FNDC8: variants seen among roughly 807,000 people sequenced by gnomAD.
FNDC8 encodes fibronectin type III domain-containing protein 8.
In FNDC8, 23 loss-of-function variants were observed where a neutral mutation model predicts 24.8. The ratio of observed to expected loss-of-function variants is 0.93; its 90% CI spans 0.67 to 1.31. The LOEUF is 1.31. FNDC8 is among the 40% of genes most tolerant of loss of function. The pLI, the probability that FNDC8 is intolerant of heterozygous loss-of-function variation, is 0.00. For synonymous variants in FNDC8, 158 were observed against 165.3 expected, an observed-to-expected ratio of 0.96 and a Z score of 0.34; for missense variants, 371 against 398.2, an observed-to-expected ratio of 0.93 and a Z score of 0.58.
rs1268768019 is a variant in FNDC8, at chr17:35,130,601, C to G, written c.*167C>G. On this transcript the variant is annotated 3_prime_UTR_variant, in exon 4 of 4. Coordinates refer to ENST00000158009, the MANE Select transcript of FNDC8 (RefSeq NM_017559.4). ...GCTGGGGCCAAGGCTACATAGGGGCCCCATTCACCTGGAGGCATCTCAGGC... is the reference window on the plus strand; with the variant it reads ...GCTGGGGCCAAGGCTACATAGGGGCGCCATTCACCTGGAGGCATCTCAGGC... The G allele has an allele frequency of 2.0e-5, 14 of 688,106 alleles. No homozygotes were observed. Among genetic ancestry groups the G allele is most frequent in the Non-Finnish European group, 3.3e-5 (14 of 421,238 alleles). 42.6% of individuals were successfully genotyped at this position (688,106 alleles called of 1,614,324 possible). A position where few individuals can be genotyped will look rare whatever the true frequency, so the allele number is the denominator to read the frequency against.
chr17:35,128,361 T>C (rs2091857071), intron 2 of FNDC8, among the ~76,000 whole-genome samples: 1 of 152,244 alleles, frequency 6.6e-6, no homozygotes. Flanking sequence ...TTTTAATAAG[T>C]CCTCCAGGGT....
At chr17:35,122,862 G>A (rs1307035304) in intron 1 of FNDC8, among the ~76,000 whole-genome samples, 2 of 152,222 alleles carry the variant, frequency 1.3e-5, no homozygotes, top group Admixed American at 1.3e-4. Flanking sequence ...TGGAGGTCAG[G>A]GGTGAAAGGA....
intron 2 of FNDC8, 35 bp downstream of exon 2, chr17:35,127,452 T>G (rs1316301713): frequency 6.6e-7 from 1 of 1,511,332 alleles, no homozygotes; most frequent in Non-Finnish European, 8.8e-7. Flanking sequence ...CAGCAGAGGC[T>G]TATTGTGCCA....
chr17:35,129,644 T>G lies in FNDC8; in HGVS notation c.808T>G (p.Cys270Gly), dbSNP rs763398949. The part of the protein sequence containing the change: ...AANTAGVGKW[C>G]KPYKFATLAT... Reference sequence around the variant, plus strand: ...CAACACAGCTGGGGTGGGGAAGTGGTGCAAGCCCTACAAAGTGAGCCCTGG... The same window carrying G: ...CAACACAGCTGGGGTGGGGAAGTGGGGCAAGCCCTACAAAGTGAGCCCTGG... The change falls in exon 3 of 4, where the codon TGC (cysteine) becomes GGC (glycine). Residue 270 changes from cysteine to glycine, a missense_variant. By Grantham distance (159) the Cys-to-Gly change is radical (BLOSUM62 -3). Coordinates refer to ENST00000158009, the MANE Select transcript of FNDC8 (RefSeq NM_017559.4). 4 of 1,613,636 alleles carry G rather than the reference T, an allele frequency of 2.5e-6. No homozygotes were observed. Among genetic ancestry groups the G allele is most frequent in the Non-Finnish European group, 3.4e-6 (4 of 1,179,940 alleles).
At chr17:35,125,658 C>T (rs948891790) in intron 1 of FNDC8, among the ~76,000 whole-genome samples, 1 of 152,144 alleles carries the variant, frequency 6.6e-6, no homozygotes, top group African/African-American at 2.4e-5. Flanking sequence ...TAAAGACACA[C>T]ATTGAGTAAT....
At position 35,127,178 on chromosome 17, in the gene FNDC8, G is replaced by T; in HGVS notation, c.346G>T (p.Gly116Trp). The T allele has an allele frequency of 6.2e-7, 1 of 1,614,190 alleles. No individual in the cohort carries two copies. Among genetic ancestry groups the T allele is most frequent in the Non-Finnish European group, 8.5e-7 (1 of 1,180,016 alleles). Residue 116 changes from glycine (G) to tryptophan (W), a missense_variant, in exon 2 of 4, where the codon GGG (glycine) becomes TGG (tryptophan). Gly to Trp is a radical substitution (Grantham distance 184). Transcript: ENST00000158009. The stretch of plus-strand genomic sequence containing the variant: ...CAGCTTCTTTGCAGGGATGCTGGAG[G>T]GGGAGCTGAACAAACTCAGCTTCTC... Reference protein sequence around the residue: ...NSSFFAGMLEGELNKLSFSPM... With the variant: ...NSSFFAGMLEWELNKLSFSPM...
chr17:35,129,305 TG>T, intron 2 of FNDC8, 116 bp from the exon 3 acceptor site: 3 of 1,346,166 alleles, frequency 2.2e-6, no homozygotes, highest in Non-Finnish European at 2.1e-6. Context: ...CTGACCTGCC[TG>T]GGCCCCAGCA....
chr17:35,126,119 G>A (rs141442180), intron 1 of FNDC8, among the ~76,000 whole-genome samples: 1 of 151,928 alleles, frequency 6.6e-6, no homozygotes, highest in Admixed American at 6.6e-5. Context: ...TCAAGGTTTC[G>A]CTATGTTGGC....
Position 35,122,054 on chromosome 17 carries a change from G to A in FNDC8, c.209+152G>A, listed in dbSNP as rs1338847457. On this transcript the variant is annotated intron_variant, in intron 1 of 3. Coordinates refer to ENST00000158009, the MANE Select transcript of FNDC8 (RefSeq NM_017559.4). ...GGCTGGAGTGCAGTGGTGCAATCTC[G>A]GCTCACTGCAGCCTTGAATTCTTGA... The A allele has an allele frequency of 4.1e-5, 25 of 613,772 alleles. No individual in the cohort carries two copies. In the Admixed American group the frequency reaches 4.9e-4, roughly 12 times the overall value. 38.0% of individuals were successfully genotyped at this position (613,772 alleles called of 1,614,324 possible).
At chr17:35,126,413 A>G (rs1400736697) in intron 1 of FNDC8, among the ~76,000 whole-genome samples, 1 of 150,094 alleles carries the variant, frequency 6.7e-6, no homozygotes, top group African/African-American at 2.5e-5. Context: ...GGGCATTTGC[A>G]CCCCACTTTG....
intron 1 of FNDC8, 94 bp downstream of exon 1, chr17:35,121,996 T>C (rs2142487188): frequency 9.9e-7 from 1 of 1,006,814 alleles, no homozygotes; most frequent in East Asian, 2.6e-5. Flanking sequence ...CCTTTTTTTT[T>C]TTTTTTTTGA....
At chr17:35,121,957 C>CCCTTCCTTCCTCCCTTCCTT (rs2091827319) in intron 1 of FNDC8, 55 bp downstream of exon 1, 100 of 1,220,508 alleles carry the variant, frequency 8.2e-5, no homozygotes, top group South Asian at 7.5e-4. Flanking sequence ...CTTCCTTCCT[C>CCCTTCCTTCCTCCCTTCCTT]CCTTCCTTCC....
chr17:35,126,982 G>T, intron 1 of FNDC8, 60 bp from the exon 2 acceptor site: 1 of 1,522,788 alleles, frequency 6.6e-7, no homozygotes, highest in East Asian at 2.3e-5. Context: ...CCTGCCCTCA[G>T]GTGGAACGGG....
chr17:35,130,078 CT>C lies in FNDC8; in HGVS notation c.823-201del. ...TATAGAGGCCTGAGTACAGACAGCC[CT>C]TTGGTTGGAAATATCCCATAATGAG... On this transcript the variant is annotated intron_variant, in intron 3 of 3. Coordinates refer to ENST00000158009, the MANE Select transcript of FNDC8 (RefSeq NM_017559.4). The C allele has an allele frequency of 5.6e-6, 8 of 1,418,580 alleles. No homozygotes were observed. The South Asian group carries it at 1.1e-4, about 19-fold the overall frequency. 87.9% of individuals were successfully genotyped at this position (1,418,580 alleles called of 1,614,324 possible).
At chr17:35,122,752 C>CT (rs1415256525) in intron 1 of FNDC8, among the ~76,000 whole-genome samples, 4 of 152,174 alleles carry the variant, frequency 2.6e-5, no homozygotes, top group African/African-American at 9.7e-5. Flanking sequence ...CCACAAAACT[C>CT]TTTGAGCACC....
chr17:35,123,179 T>C (rs920089598), intron 1 of FNDC8, among the ~76,000 whole-genome samples: 1 of 152,212 alleles, frequency 6.6e-6, no homozygotes, highest in Non-Finnish European at 1.5e-5. Flanking sequence ...TTAATGCTTT[T>C]CTGTTACTAT....
intron 3 of FNDC8, 174 bp from the exon 4 acceptor site, chr17:35,130,108 G>T (rs1185382777): frequency 7.0e-7 from 1 of 1,433,450 alleles, no homozygotes; most frequent in African/African-American, 1.4e-5. Flanking sequence ...TAATGAGGAG[G>T]TACAGGCTTG....
chr17:35,126,897 G>A (rs1597883416), intron 1 of FNDC8, 145 bp from the exon 2 acceptor site: 2 of 965,054 alleles, frequency 2.1e-6, no homozygotes, highest in East Asian at 2.4e-5. Context: ...TGAGTCTAAT[G>A]CAATGCTATA....
chr17:35,130,105 G>C, intron 3 of FNDC8, 177 bp from the exon 4 acceptor site: 1 of 1,429,634 alleles, frequency 7.0e-7, no homozygotes, highest in East Asian at 2.5e-5. Context: ...CCATAATGAG[G>C]AGGTACAGGC....
Sources: allele counts gnomAD v4.1 joint callset (sites outside exome capture counted in the v4.1 genomes callset), GRCh38; gene constraint gnomAD v4.1.1; transcripts MANE v1.5; gene names NCBI Gene and HGNC (gene_info 2026-07-23, HGNC 2026-07-21).